MICALL1: variants seen among roughly 807,000 people sequenced by gnomAD.
MICALL1 encodes the protein MICAL-like protein 1.
MICALL1 carries 61 observed loss-of-function variants against 83.7 expected under a neutral mutation model. That is an observed-to-expected ratio of 0.73 (90% CI 0.59 to 0.90). The LOEUF is 0.90. MICALL1 is among the 40% of genes least tolerant of loss of function. The pLI is 0.00. For synonymous variants in MICALL1, 481 were observed against 473.6 expected (o/e 1.02, Z -0.20); for missense variants, 1,066 against 1,152.0 (o/e 0.93, Z 1.08).
Position 37,937,299 on chromosome 22 carries a change from C to T in MICALL1, c.2423+105C>T, listed in dbSNP as rs114947565. The T allele has an allele frequency of 2.2e-3, 2,078 of 951,586 alleles. 32 individuals are homozygous for T. The African/African-American group carries it at 0.03, about 14-fold the overall frequency. 58.9% of individuals were successfully genotyped at this position (951,586 alleles called of 1,614,324 possible). On this transcript the variant is annotated intron_variant, in intron 14 of 15. Coordinates refer to ENST00000215957, the MANE Select transcript of MICALL1 (RefSeq NM_033386.4). ...CCTGGAGAGCCAAAGACACAGTCCA[C>T]GCCTCAGGCCAGGCCAGCCCTGCCC...
chr22:37,940,388 A>G (rs1459784669), intron 15 of MICALL1, among the ~76,000 whole-genome samples: 1 of 151,656 alleles, frequency 6.6e-6, no homozygotes, highest in African/African-American at 2.4e-5. Context: ...GCGTCATTGC[A>G]CTCCAGCCTG....
chr22:37,917,585 A>C (rs1928757881), intron 3 of MICALL1, 122 bp from the exon 4 acceptor site: 1 of 825,474 alleles, frequency 1.2e-6, no homozygotes, highest in Admixed American at 2.1e-5. Flanking sequence ...CTCCTGTCCC[A>C]CTGCATTAGG....
intron 6 of MICALL1, among the ~76,000 whole-genome samples, chr22:37,923,029 G>A (rs1014157628): frequency 3.3e-5 from 5 of 151,278 alleles, no homozygotes; most frequent in East Asian, 1.9e-4. Flanking sequence ...TTTGCCTCCC[G>A]GCTTCAATCA....
rs201372571 is a variant in MICALL1, at chr22:37,922,231, C to G, written c.829C>G (p.Arg277Gly). Residue 277 changes from arginine (R) to glycine (G), a missense_variant, in exon 6 of 16, where the codon CGG becomes GGG. Transcript: ENST00000215957. Reference sequence around the variant, plus strand: ...TGGACCCAAGGCCAGCCCTGAGGCCCGGCCGCAGATCCCTACCAAGCCCCG... The same window carrying G: ...TGGACCCAAGGCCAGCCCTGAGGCCGGGCCGCAGATCCCTACCAAGCCCCG... ...ADGPKASPEA[R>G]PQIPTKPRVP... 1.2e-6 allele frequency: 2 copies of G among 1,606,486 alleles called. No homozygotes were observed. Among genetic ancestry groups the G allele is most frequent in the South Asian group, 2.2e-5 (2 of 90,338 alleles).
chr22:37,907,776 T>G (rs1928057897), intron 1 of MICALL1, among the ~76,000 whole-genome samples: 1 of 152,174 alleles, frequency 6.6e-6, no homozygotes, highest in Non-Finnish European at 1.5e-5. Context: ...GAGAGGGTTT[T>G]GGGGCTGTGG....
chr22:37,924,725 G>T lies in MICALL1; in HGVS notation c.1082+8G>T, dbSNP rs138047303. On this transcript the variant is annotated splice_region_variant and intron_variant, in intron 7 of 15. Coordinates refer to ENST00000215957, the MANE Select transcript of MICALL1 (RefSeq NM_033386.4). This position sits in a 1 kb window ranked among gnomAD's most constrained non-coding sequence, Gnocchi z 5.2. ...ACCGAAGCCGTCCGAGGGGTATGTC[G>T]ATCCCTGAGGGGCTTTCCTGCTTTG... The T allele has an allele frequency of 3.4e-3, 5,405 of 1,611,394 alleles. 27 individuals are homozygous for T. Among genetic ancestry groups the T allele is most frequent in the Middle Eastern group, 0.012 (73 of 6,042 alleles).
intron 8 of MICALL1, among the ~76,000 whole-genome samples, 154 bp downstream of exon 8, chr22:37,926,197 G>A (rs1346980529): frequency 6.6e-6 from 1 of 152,180 alleles, no homozygotes; most frequent in Non-Finnish European, 1.5e-5. Flanking sequence ...CCTGTGAGTA[G>A]GTATCGTCAC....
intron 9 of MICALL1, among the ~76,000 whole-genome samples, chr22:37,929,601 GCTGGGCACCCA>G (rs531930894): frequency 7.6e-4 from 116 of 152,268 alleles, no homozygotes; most frequent in Non-Finnish European, 1.3e-3. Context: ...GGAGGTTCTG[GCTGGGCACCCA>G]TCCAGGCTGC....
chr22:37,939,409 C>T (rs1206772472), intron 15 of MICALL1, among the ~76,000 whole-genome samples: 3 of 152,176 alleles, frequency 2.0e-5, no homozygotes, highest in Non-Finnish European at 4.4e-5. Context: ...TTGAAGGTTT[C>T]TCTTGCTCTG....
chr22:37,921,821 T>C (rs1601816973), intron 5 of MICALL1, 151 bp from the exon 6 acceptor site: 2 of 587,790 alleles, frequency 3.4e-6, no homozygotes, highest in East Asian at 5.9e-5. Context: ...CTGTTTTCTT[T>C]ATCCTCTGGG....
At chr22:37,939,773 CAAAAA>C (rs147934175) in intron 15 of MICALL1, among the ~76,000 whole-genome samples, 2 of 44,456 alleles carry the variant, frequency 4.5e-5, no homozygotes, top group Non-Finnish European at 8.0e-5. Flanking sequence ...GTCTCCGTCT[CAAAAA>C]AAAAAAAAAA....
intron 3 of MICALL1, among the ~76,000 whole-genome samples, chr22:37,913,277 T>C (rs1261967497): frequency 6.6e-6 from 1 of 152,128 alleles, no homozygotes; most frequent in Non-Finnish European, 1.5e-5. Flanking sequence ...ACATATATCT[T>C]GAGTAAAAGA....
chr22:37,933,158 G>A (rs1030454308), intron 13 of MICALL1, 46 bp downstream of exon 13: 2 of 1,595,178 alleles, frequency 1.3e-6, no homozygotes, highest in African/African-American at 2.7e-5. Flanking sequence ...CCTGGGGCCT[G>A]GTGACACGGA....
chr22:37,929,646 C>T (rs913894609), intron 9 of MICALL1, among the ~76,000 whole-genome samples: 5 of 152,178 alleles, frequency 3.3e-5, no homozygotes, highest in Non-Finnish European at 7.4e-5. Flanking sequence ...ATGCTGTGTG[C>T]TGTGGGCTCA....
chr22:37,911,896 C>T, intron 1 of MICALL1, 56 bp from the exon 2 acceptor site: 2 of 1,565,012 alleles, frequency 1.3e-6, no homozygotes, highest in Non-Finnish European at 1.8e-6. Context: ...TGACCCCGCC[C>T]CTATTTCCCA....
Position 37,940,767 on chromosome 22 carries a change from G to T in MICALL1, c.2529G>T (p.Lys843Asn), listed in dbSNP as rs777366244. 17 of 1,614,064 alleles carry T rather than the reference G, an allele frequency of 1.1e-5. No homozygotes were observed. In the East Asian group the frequency reaches 3.8e-4, roughly 36 times the overall value. ...AGAAGGGGAAGTTCAAGACCATGAA[G>T]ATGTTGAAACTGCTAGGAAACAAAC... The part of the protein sequence containing the change: ...GKKKGKFKTM[K>N]MLKLLGNKRD... The change falls in exon 16 of 16, where the codon AAG (lysine) becomes AAT (asparagine). Residue 843 changes from lysine (K) to asparagine (N), a missense_variant. Physicochemically the swap from Lys to Asn is moderately conservative, Grantham distance 94. Transcript: ENST00000215957.
intron 3 of MICALL1, among the ~76,000 whole-genome samples, chr22:37,913,251 A>G (rs960416634): frequency 6.6e-6 from 1 of 152,224 alleles, no homozygotes; most frequent in Admixed American, 6.5e-5. Context: ...GACGTGAGCC[A>G]CTGGTGCCCG....
rs1371908940 is a variant in MICALL1 at position 37,911,954 on chromosome 22, AT to A, written c.153del (p.Phe51LeufsTer38). The A allele has an allele frequency of 3.7e-6, 6 of 1,613,738 alleles. No homozygotes were observed. In the African/African-American group the frequency reaches 6.7e-5, roughly 18 times the overall value. On this transcript the variant is annotated frameshift_variant, in exon 2 of 16. Coordinates refer to ENST00000215957, the MANE Select transcript of MICALL1 (RefSeq NM_033386.4). LOFTEE classifies it high-confidence loss of function. Reference sequence around the variant, plus strand: ...CCTCCTCCCTTTGCCTCTTGCAGAGATTTTGATTCGCTTTCCAAGGACAATG... The same window carrying A: ...CCTCCTCCCTTTGCCTCTTGCAGAGATTTGATTCGCTTTCCAAGGACAATG... ...ILHRHRPDLLDFDSLSKDNVF... is the reference protein window; with the variant it reads ...ILHRHRPDLLXFDSLSKDNVF...
intron 3 of MICALL1, 140 bp downstream of exon 3, chr22:37,912,632 C>G (rs1928406065): frequency 2.9e-6 from 2 of 696,184 alleles, no homozygotes; most frequent in Non-Finnish European, 2.1e-6. Context: ...TTAATTCACT[C>G]ATTGAAATAT....
Sources: allele counts gnomAD v4.1 joint callset (sites outside exome capture counted in the v4.1 genomes callset), GRCh38; gene constraint gnomAD v4.1.1; non-coding constraint Gnocchi (gnomAD v3.1); transcripts MANE v1.5; gene names NCBI Gene and HGNC (gene_info 2026-07-23, HGNC 2026-07-21).